The following SMAP2 variants were observed in gnomAD, a reference collection of about 807,000 sequenced individuals.
The protein encoded by SMAP2 is small ArfGAP2, also known as stromal membrane-associated protein 2.
A neutral mutation model predicts 56.4 loss-of-function variants in SMAP2; 25 were observed. The ratio of observed to expected loss-of-function variants is 0.44; its 90% CI spans 0.32 to 0.62. The LOEUF is 0.62. SMAP2 is among the 20% of genes least tolerant of loss of function. The pLI is 0.04. For missense variants in SMAP2, 388 were observed against 545.6 expected, an observed-to-expected ratio of 0.71 and a Z score of 2.88; for synonymous variants, 157 against 181.7, an observed-to-expected ratio of 0.86 and a Z score of 1.09.
chr1:40,384,048 C>A (rs1644629411), intron 1 of SMAP2, among the ~76,000 whole-genome samples: 1 of 152,100 alleles, frequency 6.6e-6, no homozygotes, highest in Non-Finnish European at 1.5e-5. Flanking sequence ...AGGTGTGTAC[C>A]TCCATGCCCA....
intron 9 of SMAP2, among the ~76,000 whole-genome samples, chr1:40,420,997 G>A (rs1449354888): frequency 6.6e-6 from 1 of 151,024 alleles, no homozygotes; most frequent in Non-Finnish European, 1.5e-5. Flanking sequence ...TTCTTATGAG[G>A]TGCCTCCTGA....
At chr1:40,418,492 A>G (rs540898073) in intron 9 of SMAP2, among the ~76,000 whole-genome samples, 1 of 152,370 alleles carries the variant, frequency 6.6e-6, no homozygotes, top group Admixed American at 6.5e-5. Context: ...TTAACACCAG[A>G]AAACATTCTA....
intron 1 of SMAP2, among the ~76,000 whole-genome samples, chr1:40,404,474 T>TA (rs1442882534): frequency 5.3e-5 from 8 of 152,350 alleles, no homozygotes; most frequent in Admixed American, 4.6e-4. Context: ...AAAAAGACTT[T>TA]AAGTACGCTG....
Position 40,374,300 on chromosome 1 carries a change from TCTGAAGCTTAGGCCG to T in SMAP2, c.103+79_103+93del. ...GGGTGGGCTGCGTGAAGAGGCGGTT[TCTGAAGCTTAGGCCG>T]CCCAACTCGGCTTATAAGTGGTAAC... is the stretch of plus-strand genomic sequence containing the variant. On this transcript the variant is annotated intron_variant, in intron 1 of 9. Coordinates refer to ENST00000372718, the MANE Select transcript of SMAP2 (RefSeq NM_022733.3). The surrounding 1 kb of genome is among the most constrained non-coding windows in gnomAD (Gnocchi z 5.9). 7 of 1,292,486 alleles carry T rather than the reference TCTGAAGCTTAGGCCG, an allele frequency of 5.4e-6. No individual in the cohort carries two copies. Among genetic ancestry groups the T allele is most frequent in the Non-Finnish European group, 6.6e-6 (6 of 909,246 alleles). The allele number at this position is 1,292,486 out of a possible 1,614,324, so 80.1% of individuals were successfully genotyped here.
chr1:40,406,956 G>C, intron 2 of SMAP2, 87 bp downstream of exon 2: 7 of 1,439,954 alleles, frequency 4.9e-6, no homozygotes, highest in Non-Finnish European at 6.5e-6. Flanking sequence ...TGGCACAAAG[G>C]TGAAGATAAA....
chr1:40,400,106 C>T (rs774081482), intron 1 of SMAP2, among the ~76,000 whole-genome samples: 4 of 152,160 alleles, frequency 2.6e-5, no homozygotes, highest in Non-Finnish European at 4.4e-5. Context: ...AGGAGTTGGC[C>T]AGGCTGCAAG....
chr1:40,383,703 G>A lies in SMAP2; in HGVS notation c.103+9480G>A, dbSNP rs562499579. Among the ~76,000 whole-genome samples the A allele has an allele frequency of 9.3e-4, 141 of 152,314 alleles. 1 individual carries two copies. The highest frequency in any genetic ancestry group is 3.2e-3 in the African/African-American group (134 of 41,568). Reference sequence around the variant, plus strand: ...TTGAATATGTATTTGACTGTTGGCTGCTGCCAGGAGCAACTTATCGTTTGG... The same window carrying A: ...TTGAATATGTATTTGACTGTTGGCTACTGCCAGGAGCAACTTATCGTTTGG... On this transcript the variant is annotated intron_variant, in intron 1 of 9. Transcript: ENST00000372718.
At chr1:40,412,171 T>C (rs1644942432) in intron 4 of SMAP2, among the ~76,000 whole-genome samples, 1 of 152,226 alleles carries the variant, frequency 6.6e-6, no homozygotes, top group African/African-American at 2.4e-5. Flanking sequence ...TTTAACCTTT[T>C]TCATATTTTG....
At chr1:40,418,591 A>T (rs1232570323) in intron 9 of SMAP2, among the ~76,000 whole-genome samples, 1 of 152,228 alleles carries the variant, frequency 6.6e-6, no homozygotes, top group African/African-American at 2.4e-5. Context: ...AACATATCCC[A>T]GCAAATCTAC....
In SMAP2 at chr1:40,422,021, A is replaced by C. The variant is rs766837117; in HGVS notation, c.1210A>C (p.Met404Leu). The C allele has an allele frequency of 6.2e-7, 1 of 1,614,212 alleles. No homozygotes were observed. ...GATGAACTTCTATGGAGCCAATGGC[A>C]TGATGAACTATGGACAGTCAATGAG... is the stretch of plus-strand genomic sequence containing the variant. ...AGMNFYGANGMMNYGQSMSGG... is the reference protein window; with the variant it reads ...AGMNFYGANGLMNYGQSMSGG... The change falls in exon 10 of 10, where the codon ATG becomes CTG. Residue 404 changes from methionine to leucine, a missense_variant. Coordinates refer to ENST00000372718, the MANE Select transcript of SMAP2 (RefSeq NM_022733.3).
intron 1 of SMAP2, among the ~76,000 whole-genome samples, chr1:40,391,067 G>A (rs939394134): frequency 3.3e-5 from 5 of 152,128 alleles, no homozygotes; most frequent in African/African-American, 1.2e-4. Flanking sequence ...CAGCATTCCT[G>A]TCCTCTGCCC....
intron 1 of SMAP2, among the ~76,000 whole-genome samples, chr1:40,357,456 AAAAC>A (rs1644441122): frequency 6.7e-6 from 1 of 150,070 alleles, no homozygotes; most frequent in Non-Finnish European, 1.5e-5. Context: ...TTCTGTCTCA[AAAAC>A]AAACAACAAC....
chr1:40,418,180 A>C (rs996427185), intron 9 of SMAP2, among the ~76,000 whole-genome samples: 2 of 152,200 alleles, frequency 1.3e-5, no homozygotes, highest in Non-Finnish European at 2.9e-5. Context: ...AATGGATAAA[A>C]AACTGCATGC....
chr1:40,407,005 G>C, intron 2 of SMAP2, 136 bp downstream of exon 2: 3 of 865,694 alleles, frequency 3.5e-6, no homozygotes, highest in Non-Finnish European at 5.1e-6. Flanking sequence ...TCAGATTCTT[G>C]TACCCTAACA....
chr1:40,373,863 G>T lies in SMAP2; in HGVS notation c.-258G>T, dbSNP rs533084878. On this transcript the variant is annotated 5_prime_UTR_variant, in exon 1 of 10. Coordinates refer to ENST00000372718, the MANE Select transcript of SMAP2 (RefSeq NM_022733.3). Reference sequence around the variant, plus strand: ...TGGTCCGCCTTTGCCTGGGCTGAGGGTCTCTGGCCCCGCAGCCTCTCTTGG... The same window carrying T: ...TGGTCCGCCTTTGCCTGGGCTGAGGTTCTCTGGCCCCGCAGCCTCTCTTGG... The T allele has an allele frequency of 1.3e-4, 49 of 382,792 alleles. No homozygotes were observed. The highest frequency in any genetic ancestry group is 7.3e-4 in the Middle Eastern group (1 of 1,376). The allele number at this position is 382,792 out of a possible 1,614,324, so 23.7% of individuals were successfully genotyped here.
chr1:40,352,401 T>G (rs1363290764), intron 1 of SMAP2, among the ~76,000 whole-genome samples: 1 of 152,178 alleles, frequency 6.6e-6, no homozygotes, highest in African/African-American at 2.4e-5. Flanking sequence ...TTAATCTCTC[T>G]GCCTATAATG....
In SMAP2 at chr1:40,408,817, A is replaced by G; in HGVS notation, c.323+79A>G. 9.1e-7 allele frequency: 1 copy of G among 1,100,776 alleles called. No homozygotes were observed. Among genetic ancestry groups the G allele is most frequent in the Non-Finnish European group, 1.4e-6 (1 of 718,958 alleles). 68.2% of individuals were successfully genotyped at this position (1,100,776 alleles called of 1,614,324 possible). On this transcript the variant is annotated intron_variant, in intron 3 of 9. Coordinates refer to ENST00000372718, the MANE Select transcript of SMAP2 (RefSeq NM_022733.3). The surrounding 1 kb of genome is among the most constrained non-coding windows in gnomAD (Gnocchi z 4.3). Reference sequence around the variant, plus strand: ...GAGTCAGACAAGACTCCAGTCCTGTAATGTGACTGGGTCATCTCTATGTGG... The same window carrying G: ...GAGTCAGACAAGACTCCAGTCCTGTGATGTGACTGGGTCATCTCTATGTGG...
At chr1:40,356,763 T>G (rs1644438380) in intron 1 of SMAP2, among the ~76,000 whole-genome samples, 1 of 152,230 alleles carries the variant, frequency 6.6e-6, no homozygotes, top group Non-Finnish European at 1.5e-5. Flanking sequence ...GTGGTTGTCT[T>G]AATTTACATT....
chr1:40,400,267 T>C (rs895563873), intron 1 of SMAP2, among the ~76,000 whole-genome samples: 1 of 152,212 alleles, frequency 6.6e-6, no homozygotes, highest in Non-Finnish European at 1.5e-5. Context: ...GAAGGAGGCA[T>C]GGGCTAGACC....
Sources: allele counts gnomAD v4.1 joint callset (sites outside exome capture counted in the v4.1 genomes callset), GRCh38; gene constraint gnomAD v4.1.1; non-coding constraint Gnocchi (gnomAD v3.1); transcripts MANE v1.5; gene names NCBI Gene and HGNC (gene_info 2026-07-23, HGNC 2026-07-21).